C20orf96: variants seen among roughly 807,000 people sequenced by gnomAD.
The protein encoded by C20orf96 is chromosome 20 open reading frame 96, also known as uncharacterized protein C20orf96.
Under a neutral mutation model 52.6 loss-of-function variants are expected in C20orf96, and 57 were observed. That is an observed-to-expected ratio of 1.08 (90% CI 0.88 to 1.35). C20orf96 has a LOEUF of 1.35. C20orf96 is among the 40% of genes most tolerant of loss of function. The pLI is 0.00. For synonymous variants in C20orf96, 168 were observed against 157.2 expected (o/e 1.07, Z -0.51); for missense variants, 478 against 443.6 (o/e 1.08, Z -0.70).
chr20:271,843 A>G (rs2011851110), intron 10 of C20orf96, among the ~76,000 whole-genome samples: 1 of 152,252 alleles, frequency 6.6e-6, no homozygotes, highest in South Asian at 2.1e-4. Context: ...TGCTCAGTAA[A>G]TGACAGGCAT....
chr20:278,319 G>A lies in C20orf96; in HGVS notation c.565+11C>T. 1.9e-6 allele frequency: 3 copies of A among 1,608,418 alleles called. No homozygotes were observed. Among genetic ancestry groups the A allele is most frequent in the Non-Finnish European group, 1.7e-6 (2 of 1,174,868 alleles). ...GGGGGGAGGGTCAAGGAATTTGCCA[G>A]GGATTCTTACAGCTCATCTTGCATT... On this transcript the variant is annotated intron_variant, in intron 6 of 10. Coordinates refer to ENST00000360321, the MANE Select transcript of C20orf96 (RefSeq NM_153269.3).
chr20:286,229 C>T (rs73572442), intron 3 of C20orf96, among the ~76,000 whole-genome samples: 2,947 of 152,066 alleles, frequency 0.019, 80 homozygotes, highest in African/African-American at 0.066. Context: ...AGAAATAATA[C>T]GGAGGGGCTG....
intron 10 of C20orf96, among the ~76,000 whole-genome samples, chr20:275,316 TG>T (rs1265684439): frequency 6.8e-6 from 1 of 147,842 alleles, no homozygotes; most frequent in Non-Finnish European, 1.5e-5. Context: ...TATTTTGTTT[TG>T]GGGGCGGGGG....
At chr20:276,150 G>C (rs2012015720) in intron 9 of C20orf96, 64 bp from the exon 10 acceptor site, 2 of 1,607,364 alleles carry the variant, frequency 1.2e-6, no homozygotes, top group African/African-American at 2.7e-5. Flanking sequence ...AAGGGAGAAA[G>C]GCCAAAATGA....
rs2012524441 is a variant in C20orf96, at chr20:290,689, T to C, written c.-79A>G. 3.2e-6 allele frequency: 5 copies of C among 1,577,094 alleles called. No homozygotes were observed. The highest frequency in any genetic ancestry group is 4.3e-6 in the Non-Finnish European group (5 of 1,151,130). On this transcript the variant is annotated 5_prime_UTR_variant, in exon 1 of 11. Transcript: ENST00000360321. ...AACTACTCGGCTTTTCCAACTTCCTTGTCTCAGTGTAGATCGCGCGGTAAC... is the reference window on the plus strand; with the variant it reads ...AACTACTCGGCTTTTCCAACTTCCTCGTCTCAGTGTAGATCGCGCGGTAAC...
intron 9 of C20orf96, 155 bp from the exon 10 acceptor site, chr20:276,241 T>G: frequency 1.4e-5 from 14 of 985,418 alleles, no homozygotes; most frequent in Non-Finnish European, 1.4e-5. Context: ...GACTTCCCCA[T>G]GCAAGGTGCG....
chr20:290,330 A>T, intron 1 of C20orf96, 23 bp from the exon 2 acceptor site: 1 of 1,611,908 alleles, frequency 6.2e-7, no homozygotes, highest in Admixed American at 1.7e-5. Flanking sequence ...GGGAAGGGAA[A>T]GAACTTCCAT....
At chr20:279,518 C>T (rs1172971084) in intron 4 of C20orf96, among the ~76,000 whole-genome samples, 188 bp from the exon 5 acceptor site, 2 of 152,154 alleles carry the variant, frequency 1.3e-5, no homozygotes, top group African/African-American at 2.4e-5. Context: ...GGACTCTCAT[C>T]CGTTCGGAAA....
At chr20:273,848 G>A (rs999446246) in intron 10 of C20orf96, among the ~76,000 whole-genome samples, 1 of 137,986 alleles carries the variant, frequency 7.2e-6, no homozygotes, top group African/African-American at 2.7e-5. Flanking sequence ...GTGCACTCCA[G>A]CCTGGGAGAC....
chr20:288,790 A>G (rs2012463398), intron 3 of C20orf96, among the ~76,000 whole-genome samples: 1 of 152,226 alleles, frequency 6.6e-6, no homozygotes, highest in Non-Finnish European at 1.5e-5. Context: ...ATACATAAGT[A>G]TGCTAGATTG....
In C20orf96 at chr20:276,304, T is replaced by C. The variant is rs936579971; in HGVS notation, c.913-218A>G. ...CAGTGGTGCTGAAACAGGTGAGGGA[T>C]CATGGAGAATGGAGACAGGTTACAA... is the stretch of plus-strand genomic sequence containing the variant. On this transcript the variant is annotated intron_variant, in intron 9 of 10. Coordinates refer to ENST00000360321, the MANE Select transcript of C20orf96 (RefSeq NM_153269.3). The C allele has an allele frequency of 4.2e-5, 41 of 985,306 alleles. 1 individual carries two copies. Among genetic ancestry groups the C allele is most frequent in the Middle Eastern group, 1.0e-3 (2 of 1,912 alleles). The allele number at this position is 985,306 out of a possible 1,614,324, so 61.0% of individuals were successfully genotyped here. A position where few individuals can be genotyped will look rare whatever the true frequency, so the allele number is the denominator to read the frequency against.
At chr20:283,817 G>T in intron 4 of C20orf96, 146 bp downstream of exon 4, 1 of 622,204 alleles carries the variant, frequency 1.6e-6, no homozygotes, top group Admixed American at 2.7e-5. Flanking sequence ...TGTAAAATAG[G>T]AACAAGGATA....
intron 5 of C20orf96, 99 bp downstream of exon 5, chr20:279,073 A>AGGGATGGAGGGAGGGAGGGC (rs1568491409): frequency 2.3e-6 from 1 of 443,958 alleles, no homozygotes. Flanking sequence ...GGAGGGAGGG[A>AGGGATGGAGGGAGGGAGGGC]GGGAGGGACG....
At chr20:280,520 T>C (rs905020342) in intron 4 of C20orf96, among the ~76,000 whole-genome samples, 6 of 152,232 alleles carry the variant, frequency 3.9e-5, no homozygotes, top group Admixed American at 6.5e-5. Flanking sequence ...TAACTCTATT[T>C]TGCTGATAAA....
intron 4 of C20orf96, 73 bp from the exon 5 acceptor site, chr20:279,403 C>T (rs1440728785): frequency 2.7e-6 from 4 of 1,468,360 alleles, no homozygotes; most frequent in East Asian, 5.4e-5. Flanking sequence ...GCCCGTGGAC[C>T]CGCCGCCCCG....
rs115526270 is a variant in C20orf96 at position 281,131 on chromosome 20, G to A, written c.307-1801C>T. On this transcript the variant is annotated intron_variant, in intron 4 of 10. Coordinates refer to ENST00000360321, the MANE Select transcript of C20orf96 (RefSeq NM_153269.3). ...AGATTATGCCACCACACTCCAGCCC[G>A]GGTAACACAGCAAGAACTTGTCTCT... Among the ~76,000 whole-genome samples, 515 of 152,116 alleles carry A rather than the reference G, an allele frequency of 3.4e-3. 2 individuals carry two copies. Among genetic ancestry groups the A allele is most frequent in the African/African-American group, 0.012 (480 of 41,496 alleles).
chr20:273,767 C>T (rs189206459), intron 10 of C20orf96, among the ~76,000 whole-genome samples: 83 of 151,970 alleles, frequency 5.5e-4, no homozygotes, highest in African/African-American at 1.9e-3. Flanking sequence ...ATCCCAGCTA[C>T]TCGGGAGGCT....
intron 4 of C20orf96, among the ~76,000 whole-genome samples, chr20:280,345 C>T (rs112347104): frequency 7.3e-5 from 11 of 151,014 alleles, no homozygotes; most frequent in Admixed American, 1.3e-4. Context: ...ACAATAACAA[C>T]AACAATTGTA....
At chr20:278,463 C>G (rs762231880) in intron 5 of C20orf96, 34 bp from the exon 6 acceptor site, 1 of 1,556,980 alleles carries the variant, frequency 6.4e-7, no homozygotes, top group Admixed American at 1.7e-5. Flanking sequence ...CACCCACAGG[C>G]TCTGCTGGCT....
Sources: gnomAD v4.1 joint callset for allele counts (sites outside exome capture counted in the v4.1 genomes callset) on GRCh38, gnomAD v4.1.1 for gene constraint, MANE v1.5 for transcripts, NCBI Gene and HGNC (gene_info 2026-07-23, HGNC 2026-07-21) for gene names.